Variants in MEF2D observed in about 807,000 individuals in gnomAD.
The protein encoded by MEF2D is myocyte enhancer factor 2D.
In MEF2D, 10 loss-of-function variants were observed where a neutral mutation model predicts 59.3. The ratio of observed to expected loss-of-function variants is 0.17; its 90% CI spans 0.10 to 0.29. The LOEUF is 0.29. Among genes scored for constraint, MEF2D ranks in the 10% least tolerant of loss-of-function variants. The probability of loss-of-function intolerance (pLI) is 1.00; values close to 1 mark genes in which losing one functional copy is unlikely to be tolerated. For missense variants in MEF2D, 508 were observed against 699.4 expected (o/e 0.73, Z 3.09); for synonymous variants, 305 against 295.0 (o/e 1.03, Z -0.35).
chr1:156,477,063 G>C lies in MEF2D; in HGVS notation c.804C>G (p.Pro268=), dbSNP rs768730968. The change falls in exon 7 of 12, where the codon CCC becomes CCG. Residue 268 remains proline (P), a synonymous_variant. Coordinates refer to ENST00000348159, the MANE Select transcript of MEF2D (RefSeq NM_005920.4). ...CCTGGGAAGTGATGACTCGCAGGTC[G>C]GGCTTGCGGCTGGGGGCTCCAAGCT... ...STQLGAPSRK[P]DLRVITSQAG... 21 of 1,613,756 alleles carry C rather than the reference G, an allele frequency of 1.3e-5. No individual in the cohort carries two copies. The highest frequency in any genetic ancestry group is 1.7e-5 in the Non-Finnish European group (20 of 1,179,874).
chr1:156,479,268 G>C, intron 6 of MEF2D, 22 bp downstream of exon 6: 1 of 1,599,398 alleles, frequency 6.3e-7, no homozygotes, highest in Non-Finnish European at 8.5e-7. Context: ...CCACCTCCAG[G>C]TAGAAGGATG....
chr1:156,469,115 G>A, intron 9 of MEF2D, 95 bp from the exon 10 acceptor site: 1 of 1,465,470 alleles, frequency 6.8e-7, no homozygotes, highest in Non-Finnish European at 9.1e-7. Context: ...GGGGATGAGG[G>A]GACAGGGAGT....
chr1:156,475,872 T>C (rs774559879), intron 8 of MEF2D, among the ~76,000 whole-genome samples: 1 of 152,086 alleles, frequency 6.6e-6, no homozygotes, highest in African/African-American at 2.4e-5. Context: ...AGTATGTAAG[T>C]GTGTGAGACA....
At chr1:156,476,986 C>T (rs376519279) in intron 7 of MEF2D, 26 bp downstream of exon 7, 32 of 1,612,856 alleles carry the variant, frequency 2.0e-5, no homozygotes, top group East Asian at 2.2e-5. Flanking sequence ...CCCCAGCCCC[C>T]ACCCTTGGCC....
In MEF2D at chr1:156,464,664, C is replaced by T. The variant is rs2101942674; in HGVS notation, c.*2981G>A. On this transcript the variant is annotated 3_prime_UTR_variant, in exon 12 of 12. Transcript: ENST00000348159. ...CATTCATCTGGCCGCCCAGGAGCCC[C>T]TACCCCCAAGAGAAACCTTCGGATA... 1 of 152,290 alleles carries T rather than the reference C, an allele frequency of 6.6e-6. No individual in the cohort carries two copies. The highest frequency in any genetic ancestry group is 2.1e-4 in the South Asian group (1 of 4,828). The allele number at this position is 152,290 out of a possible 1,614,324, so 9.4% of individuals were successfully genotyped here.
At chr1:156,498,346 C>G (rs559050957) in intron 1 of MEF2D, among the ~76,000 whole-genome samples, 7 of 152,182 alleles carry the variant, frequency 4.6e-5, no homozygotes, top group African/African-American at 1.4e-4. Context: ...GAAGCTCTAG[C>G]CAATTCCCCA....
At position 156,479,782 on chromosome 1, in the gene MEF2D, G is replaced by A. The variant is rs995692706; in HGVS notation, c.411C>T (p.Ala137=). ...LFRRYGSTVP[A]PNFAMPVTVP... ...CCGTGACAGGCATGGCAAAGTTGGGGGCCGGGACAGTTGACTAGACAGAAA... is the reference window on the plus strand; with the variant it reads ...CCGTGACAGGCATGGCAAAGTTGGGAGCCGGGACAGTTGACTAGACAGAAA... Residue 137 remains alanine, a synonymous_variant, in exon 5 of 12, where the codon GCC becomes GCT. Transcript: ENST00000348159. 6.4e-7 allele frequency: 1 copy of A among 1,551,638 alleles called. No individual in the cohort carries two copies. Among genetic ancestry groups the A allele is most frequent in the African/African-American group, 1.4e-5 (1 of 73,172 alleles).
intron 4 of MEF2D, 79 bp downstream of exon 4, chr1:156,480,755 T>G: frequency 2.5e-6 from 4 of 1,590,758 alleles, no homozygotes; most frequent in Non-Finnish European, 3.4e-6. Context: ...GCTCTCACAT[T>G]CCCTGTGCTT....
chr1:156,474,486 T>C (rs1340363692), intron 9 of MEF2D, among the ~76,000 whole-genome samples: 2 of 152,278 alleles, frequency 1.3e-5, no homozygotes, highest in East Asian at 1.9e-4. Flanking sequence ...CCTAGTTAAA[T>C]TTGAATTTCA....
intron 1 of MEF2D, among the ~76,000 whole-genome samples, chr1:156,496,696 G>A (rs1328976067): frequency 1.3e-5 from 2 of 152,018 alleles, no homozygotes; most frequent in Admixed American, 6.6e-5. Flanking sequence ...CCCACCTCCC[G>A]CAGTGCAGCA....
intron 9 of MEF2D, among the ~76,000 whole-genome samples, chr1:156,473,334 T>C (rs1404074159): frequency 2.0e-5 from 3 of 152,084 alleles, no homozygotes; most frequent in Non-Finnish European, 1.5e-5. Flanking sequence ...GATTTTTACA[T>C]GTGGGGAGGA....
chr1:156,477,843 A>G (rs1448802232), intron 6 of MEF2D, among the ~76,000 whole-genome samples: 1 of 152,260 alleles, frequency 6.6e-6, no homozygotes, highest in Non-Finnish European at 1.5e-5. Flanking sequence ...TGGGAGACAC[A>G]TAACACAGCC....
intron 4 of MEF2D, 104 bp from the exon 5 acceptor site, chr1:156,479,900 CGCATCCTAGGGCCA>C: frequency 1.7e-6 from 2 of 1,154,024 alleles, no homozygotes; most frequent in Non-Finnish European, 2.5e-6. Flanking sequence ...TTCTGGGCTA[CGCATCCTAGGGCCA>C]GCAGTTCAAG....
intron 1 of MEF2D, among the ~76,000 whole-genome samples, chr1:156,487,213 G>A (rs993990813): frequency 6.6e-6 from 1 of 152,262 alleles, no homozygotes; most frequent in African/African-American, 2.4e-5. Context: ...GCTGGGACGA[G>A]AGAGGGATCA....
At chr1:156,492,321 A>G (rs1672853122) in intron 1 of MEF2D, among the ~76,000 whole-genome samples, 1 of 152,224 alleles carries the variant, frequency 6.6e-6, no homozygotes, top group Admixed American at 6.5e-5. Flanking sequence ...AGAACTTCTC[A>G]GGGCTGAGTC....
At chr1:156,499,746 G>A (rs552782533) in intron 1 of MEF2D, among the ~76,000 whole-genome samples, 5 of 152,204 alleles carry the variant, frequency 3.3e-5, no homozygotes, top group African/African-American at 1.2e-4. Flanking sequence ...TCTGGCCAGG[G>A]AGTTCTCCAG....
intron 1 of MEF2D, among the ~76,000 whole-genome samples, chr1:156,497,699 T>A (rs895242454): frequency 6.6e-6 from 1 of 152,188 alleles, no homozygotes; most frequent in African/African-American, 2.4e-5. Context: ...GCTCCTGGAC[T>A]TCCCTTGTCC....
chr1:156,494,431 T>C (rs558551176), intron 1 of MEF2D, among the ~76,000 whole-genome samples: 14 of 151,974 alleles, frequency 9.2e-5, no homozygotes, highest in African/African-American at 3.4e-4. Flanking sequence ...GCAAGACTCG[T>C]GGGGCTAAGT....
At chr1:156,494,637 C>A (rs10908504) in intron 1 of MEF2D, among the ~76,000 whole-genome samples, 85,333 of 152,080 alleles carry the variant, frequency 0.56, 25,493 homozygotes, top group East Asian at 0.73. Flanking sequence ...CTTAGCAGGC[C>A]AGTCCTGGGC....
Sources: allele counts gnomAD v4.1 joint callset (sites outside exome capture counted in the v4.1 genomes callset), GRCh38; gene constraint gnomAD v4.1.1; transcripts MANE v1.5; gene names NCBI Gene and HGNC (gene_info 2026-07-23, HGNC 2026-07-21).